Variants in SKAP1 observed in about 807,000 individuals in gnomAD.
SKAP1 encodes src kinase-associated phosphoprotein 1.
SKAP1 carries 44 observed loss-of-function variants against 58.5 expected under a neutral mutation model. The ratio of observed to expected loss-of-function variants is 0.75; its 90% CI spans 0.59 to 0.97. SKAP1 has a LOEUF of 0.97. Ranked by LOEUF, SKAP1 falls within the 50% of genes least tolerant of loss-of-function variation. The pLI, the probability that SKAP1 is intolerant of heterozygous loss-of-function variation, is 0.00. For synonymous variants in SKAP1, 127 were observed against 149.7 expected (o/e 0.85, Z 1.11); for missense variants, 390 against 435.2 (o/e 0.90, Z 0.92).
At chr17:48,403,776 A>G (rs2067532761) in intron 1 of SKAP1, among the ~76,000 whole-genome samples, 1 of 152,158 alleles carries the variant, frequency 6.6e-6, no homozygotes, top group Admixed American at 6.5e-5. Flanking sequence ...ATAAATGTCA[A>G]ACTGCAAAAC....
At chr17:48,171,187 C>T (rs1367087572) in intron 9 of SKAP1, among the ~76,000 whole-genome samples, 2 of 146,192 alleles carry the variant, frequency 1.4e-5, no homozygotes, top group Non-Finnish European at 3.0e-5. Flanking sequence ...CTGCAACCTC[C>T]ACCTTCCGGG....
At chr17:48,134,946 C>A (rs1015191233) in intron 12 of SKAP1, among the ~76,000 whole-genome samples, 2 of 152,028 alleles carry the variant, frequency 1.3e-5, no homozygotes, top group Non-Finnish European at 2.9e-5. Context: ...TCAAGTGATC[C>A]ACCTGCCTTG....
chr17:48,263,456 A>T (rs2065505312), intron 4 of SKAP1, among the ~76,000 whole-genome samples: 2 of 152,204 alleles, frequency 1.3e-5, no homozygotes, highest in South Asian at 4.1e-4. Flanking sequence ...ATTTTTAAAT[A>T]TTTAAATTTT....
intron 1 of SKAP1, among the ~76,000 whole-genome samples, chr17:48,421,296 C>CTTT (rs35201215): frequency 3.4e-5 from 4 of 119,236 alleles, no homozygotes; most frequent in African/African-American, 1.2e-4. Flanking sequence ...ATAGAGTGTT[C>CTTT]TTTTTTTTTT....
At position 48,162,571 on chromosome 17, in the gene SKAP1, T is replaced by C. The variant is rs1349149652; in HGVS notation, c.878-2A>G. 13 of 1,608,270 alleles carry C rather than the reference T, an allele frequency of 8.1e-6. No homozygotes were observed. Among genetic ancestry groups the C allele is most frequent in the Non-Finnish European group, 1.1e-5 (13 of 1,175,604 alleles). ...CCTGGTAGTAACTGGCATAGTCTAC[T>C]GATCAAAGAGAGGAGAAATCAAAGT... On this transcript the variant is annotated splice_acceptor_variant, in intron 10 of 12. Transcript: ENST00000336915. LOFTEE classifies it high-confidence loss of function.
At chr17:48,405,628 G>A (rs2067572185) in intron 1 of SKAP1, among the ~76,000 whole-genome samples, 1 of 150,986 alleles carries the variant, frequency 6.6e-6, no homozygotes, top group Admixed American at 6.6e-5. Context: ...AGCCTCCTGA[G>A]TAGCTGGGAT....
intron 11 of SKAP1, among the ~76,000 whole-genome samples, chr17:48,139,346 T>TG (rs2063740759): frequency 6.6e-6 from 1 of 151,750 alleles, no homozygotes; most frequent in Non-Finnish European, 1.5e-5. Context: ...CACGCCCAGC[T>TG]AATTTTTTGT....
intron 11 of SKAP1, among the ~76,000 whole-genome samples, chr17:48,141,618 C>A: frequency 6.6e-6 from 1 of 152,148 alleles, no homozygotes; most frequent in Non-Finnish European, 1.5e-5. Flanking sequence ...CTCAGGTGAT[C>A]TGCCTGCCTC....
chr17:48,329,882 C>T (rs1449335562), intron 4 of SKAP1, among the ~76,000 whole-genome samples: 1 of 152,100 alleles, frequency 6.6e-6, no homozygotes, highest in Non-Finnish European at 1.5e-5. Flanking sequence ...CGAATTTCTT[C>T]ATCTGTGATA....
At chr17:48,305,433 C>A (rs540614652) in intron 4 of SKAP1, among the ~76,000 whole-genome samples, 1 of 152,168 alleles carries the variant, frequency 6.6e-6, no homozygotes, top group African/African-American at 2.4e-5. Flanking sequence ...GATATATTTG[C>A]GCATTTGCTG....
At chr17:48,411,266 G>A (rs1210844156) in intron 1 of SKAP1, among the ~76,000 whole-genome samples, 1 of 151,904 alleles carries the variant, frequency 6.6e-6, no homozygotes, top group Non-Finnish European at 1.5e-5. Context: ...TGGGTGTGCT[G>A]GTGCCTACCT....
chr17:48,341,912 C>T (rs890884252), intron 4 of SKAP1, among the ~76,000 whole-genome samples: 4 of 152,150 alleles, frequency 2.6e-5, no homozygotes, highest in Non-Finnish European at 5.9e-5. Context: ...TTTTAGGTTT[C>T]TTCTAAAATA....
chr17:48,190,617 A>C (rs893670339), intron 4 of SKAP1, among the ~76,000 whole-genome samples: 1 of 152,132 alleles, frequency 6.6e-6, no homozygotes, highest in Admixed American at 6.5e-5. Flanking sequence ...GTGAACATAA[A>C]TTTTTTTAAG....
chr17:48,248,429 T>C (rs972410627), intron 4 of SKAP1, among the ~76,000 whole-genome samples: 1 of 152,000 alleles, frequency 6.6e-6, no homozygotes, highest in African/African-American at 2.4e-5. Flanking sequence ...TAGCCGGGCA[T>C]AGTGGCATGT....
intron 11 of SKAP1, among the ~76,000 whole-genome samples, chr17:48,138,376 T>C (rs1317413469): frequency 6.6e-6 from 1 of 151,016 alleles, no homozygotes; most frequent in African/African-American, 2.4e-5. Flanking sequence ...GGCTATTTTT[T>C]TTTTTTTTTT....
the SKAP1 span, among the ~76,000 whole-genome samples, chr17:48,438,122 C>T: frequency 6.6e-6 from 1 of 152,192 alleles, no homozygotes; most frequent in Non-Finnish European, 1.5e-5. Context: ...GTCCTAAAGT[C>T]AGACAACCCT....
At chr17:48,184,112 C>A (rs1010074312) in intron 7 of SKAP1, among the ~76,000 whole-genome samples, 1 of 152,026 alleles carries the variant, frequency 6.6e-6, no homozygotes, top group Non-Finnish European at 1.5e-5. Flanking sequence ...AAATAAAACA[C>A]ATTAATTTTA....
chr17:48,276,717 G>A (rs1833891453), intron 4 of SKAP1, among the ~76,000 whole-genome samples: 1 of 152,094 alleles, frequency 6.6e-6, no homozygotes, highest in African/African-American at 2.4e-5. Flanking sequence ...TATTCTTTAG[G>A]TGAAGGAAGC....
chr17:48,375,466 CCAT>C (rs1164667917), intron 2 of SKAP1, among the ~76,000 whole-genome samples: 1 of 152,194 alleles, frequency 6.6e-6, no homozygotes, highest in African/African-American at 2.4e-5. Context: ...GAAACACCCA[CCAT>C]GAGTATAAAC....
Sources: gnomAD v4.1 joint callset for allele counts (sites outside exome capture counted in the v4.1 genomes callset) on GRCh38, gnomAD v4.1.1 for gene constraint, MANE v1.5 for transcripts, NCBI Gene and HGNC (gene_info 2026-07-23, HGNC 2026-07-21) for gene names.